The following USP8 variants were observed in gnomAD, a reference collection of about 807,000 sequenced individuals.
USP8 encodes the protein ubiquitin carboxyl-terminal hydrolase 8.
A neutral mutation model predicts 130.0 loss-of-function variants in USP8; 27 were observed. The observed-to-expected ratio is 0.21, with a 90% CI of 0.15 to 0.29. USP8 has a LOEUF of 0.29. Ranked by LOEUF, USP8 falls within the 10% of genes least tolerant of loss-of-function variation. The pLI is 1.00. For missense variants in USP8, 1,029 were observed against 1,312.2 expected (o/e 0.78, Z 3.33); for synonymous variants, 392 against 444.1 (o/e 0.88, Z 1.48).
At chr15:50,445,027 G>A (rs1407952548) in intron 3 of USP8, among the ~76,000 whole-genome samples, 1 of 152,054 alleles carries the variant, frequency 6.6e-6, no homozygotes, top group Admixed American at 6.6e-5. Flanking sequence ...CAAAGTGCTG[G>A]GATTACAGGT....
intron 4 of USP8, 128 bp downstream of exon 4, chr15:50,449,613 T>G: frequency 3.6e-6 from 2 of 550,594 alleles, no homozygotes; most frequent in Non-Finnish European, 5.5e-6. Flanking sequence ...AGTCTCGCGC[T>G]GTCTGTCGCC....
At chr15:50,470,761 G>A (rs1446909748) in intron 7 of USP8, among the ~76,000 whole-genome samples, 2 of 151,788 alleles carry the variant, frequency 1.3e-5, no homozygotes, top group African/African-American at 4.8e-5. Context: ...CACCATGCCC[G>A]GCTAATTTTT....
At chr15:50,468,055 C>T (rs1275179976) in intron 7 of USP8, among the ~76,000 whole-genome samples, 1 of 151,720 alleles carries the variant, frequency 6.6e-6, no homozygotes, top group African/African-American at 2.4e-5. Flanking sequence ...TCTGCCTCAG[C>T]CCCCTGAGTA....
chr15:50,470,845 G>A (rs1199244382), intron 7 of USP8, among the ~76,000 whole-genome samples: 2 of 152,052 alleles, frequency 1.3e-5, no homozygotes, highest in Non-Finnish European at 2.9e-5. Flanking sequence ...TGATCCACCC[G>A]CCTCAGCCTC....
At chr15:50,424,555 A>G (rs2049633302) in intron 1 of USP8, 41 bp downstream of exon 1, 2 of 398,448 alleles carry the variant, frequency 5.0e-6, no homozygotes, top group Non-Finnish European at 8.8e-6. Flanking sequence ...TTCTCTGGGA[A>G]GTCGTCCGCT....
rs1283022658 is a variant in USP8 at position 50,459,093 on chromosome 15, A to G, written c.429A>G (p.Arg143=). 2.5e-6 allele frequency: 4 copies of G among 1,614,038 alleles called. No homozygotes were observed. Among genetic ancestry groups the G allele is most frequent in the Non-Finnish European group, 3.4e-6 (4 of 1,180,042 alleles). The change falls in exon 5 of 20, where the codon AGA becomes AGG. Residue 143 remains arginine, a synonymous_variant. Transcript: ENST00000307179. The stretch of plus-strand genomic sequence containing the variant: ...AACAAAAAAGGCAGGAAACAGGAAG[A>G]GAGGATGGTGGCACATTGGCTAAAG... ...RLQQKRQETG[R]EDGGTLAKGS...
intron 1 of USP8, among the ~76,000 whole-genome samples, chr15:50,433,985 C>G (rs747832600): frequency 4.6e-5 from 7 of 151,888 alleles, no homozygotes; most frequent in East Asian, 3.9e-4. Context: ...GGCTGAAGTT[C>G]TTTGTCAGGT....
At position 50,499,255 on chromosome 15, in the gene USP8, A is replaced by G. The variant is rs2052527951; in HGVS notation, c.*167A>G. The G allele has an allele frequency of 1.9e-6, 1 of 527,702 alleles. No homozygotes were observed. The highest frequency in any genetic ancestry group is 3.0e-6 in the Non-Finnish European group (1 of 337,430). 32.7% of individuals were successfully genotyped at this position (527,702 alleles called of 1,614,324 possible). A position where few individuals can be genotyped will look rare whatever the true frequency, so the allele number is the denominator to read the frequency against. On this transcript the variant is annotated 3_prime_UTR_variant, in exon 20 of 20. Coordinates refer to ENST00000307179, the MANE Select transcript of USP8 (RefSeq NM_005154.5). ...ATTCCGGTCAGTGCTGACAAATAAC[A>G]TTTAACAAGTATTGCAGTAATCATC...
chr15:50,439,536 C>A (rs908648905), intron 2 of USP8, among the ~76,000 whole-genome samples: 1 of 152,114 alleles, frequency 6.6e-6, no homozygotes, highest in Non-Finnish European at 1.5e-5. Flanking sequence ...CGCTTGTAAT[C>A]CCAGCACTTT....
At chr15:50,457,564 GAAAA>G (rs527284552) in intron 4 of USP8, among the ~76,000 whole-genome samples, 1 of 89,410 alleles carries the variant, frequency 1.1e-5, no homozygotes, top group Admixed American at 1.1e-4. Flanking sequence ...TCTCAAAAAA[GAAAA>G]AAAAAAAAAA....
intron 4 of USP8, among the ~76,000 whole-genome samples, chr15:50,450,575 C>T (rs746278439): frequency 2.8e-5 from 4 of 144,620 alleles, no homozygotes; most frequent in African/African-American, 5.1e-5. Context: ...AGGTTCAAGT[C>T]ATTCTCCTGC....
chr15:50,442,399 T>G (rs1168901812), intron 3 of USP8, among the ~76,000 whole-genome samples: 1 of 152,116 alleles, frequency 6.6e-6, no homozygotes, highest in Non-Finnish European at 1.5e-5. Flanking sequence ...AATTGATGAC[T>G]AGGATAAGTG....
intron 12 of USP8, among the ~76,000 whole-genome samples, chr15:50,485,968 G>A (rs1174733294): frequency 1.3e-5 from 2 of 152,062 alleles, no homozygotes; most frequent in Non-Finnish European, 2.9e-5. Context: ...GCCTGCACAT[G>A]TTCAGTACAC....
At position 50,503,818 on chromosome 15, in the gene USP8, T is replaced by C. The variant is rs938319542; in HGVS notation, c.*4730T>C. ...ATCCACATATGAAACCCCAATGAAG[T>C]TGAGATCACAATTCAAAATAATAGA... is the stretch of plus-strand genomic sequence containing the variant. On this transcript the variant is annotated 3_prime_UTR_variant, in exon 20 of 20. Coordinates refer to ENST00000307179, the MANE Select transcript of USP8 (RefSeq NM_005154.5). 5.3e-5 allele frequency: 8 copies of C among 152,182 alleles called. No homozygotes were observed. Among genetic ancestry groups the C allele is most frequent in the Admixed American group, 3.3e-4 (5 of 15,262 alleles). 9.4% of individuals were successfully genotyped at this position (152,182 alleles called of 1,614,324 possible).
rs556378963 is a variant in USP8 at position 50,450,137 on chromosome 15, C to T, written c.335+652C>T. Among the ~76,000 whole-genome samples the T allele has an allele frequency of 2.7e-3, 403 of 151,962 alleles. 2 individuals carry two copies. Among genetic ancestry groups the T allele is most frequent in the African/African-American group, 8.2e-3 (342 of 41,464 alleles). On this transcript the variant is annotated intron_variant, in intron 4 of 19. Transcript: ENST00000307179. ...CTCGAGCTCCTGACCTCAAGTGATC[C>T]GCCCGCCTCAGCCTCCCAAAGTGCT...
Position 50,507,371 on chromosome 15 carries a change from T to A in USP8, c.*8283T>A, listed in dbSNP as rs550814930. On this transcript the variant is annotated 3_prime_UTR_variant, in exon 20 of 20. Transcript: ENST00000307179. Reference sequence around the variant, plus strand: ...AAAGGTGTATTTCCCTTGAGCATCATGTTGGTGCTTAAAATGTTTCAGATT... The same window carrying A: ...AAAGGTGTATTTCCCTTGAGCATCAAGTTGGTGCTTAAAATGTTTCAGATT... 6.6e-6 allele frequency: 1 copy of A among 152,242 alleles called. No homozygotes were observed. The highest frequency in any genetic ancestry group is 1.5e-5 in the Non-Finnish European group (1 of 68,056). The allele number at this position is 152,242 out of a possible 1,614,324, so 9.4% of individuals were successfully genotyped here. A position where few individuals can be genotyped will look rare whatever the true frequency, so the allele number is the denominator to read the frequency against.
At chr15:50,464,131 C>T (rs944536290) in intron 6 of USP8, among the ~76,000 whole-genome samples, 7 of 152,066 alleles carry the variant, frequency 4.6e-5, no homozygotes, top group African/African-American at 1.2e-4. Context: ...TGGTCTCTGA[C>T]ACAACTATTG....
At chr15:50,496,481 A>G (rs1016697965) in intron 17 of USP8, among the ~76,000 whole-genome samples, 5 of 12,840 alleles carry the variant, frequency 3.9e-4, no homozygotes, top group African/African-American at 3.7e-3. Context: ...ACTCCGTCTT[A>G]AAAAAAAAAA....
chr15:50,439,810 A>G (rs1375158967), intron 2 of USP8, among the ~76,000 whole-genome samples: 1 of 103,758 alleles, frequency 9.6e-6, no homozygotes, highest in Admixed American at 1.3e-4. Context: ...AATAATAATA[A>G]TAATAATAAT....
Sources: gnomAD v4.1 joint callset for allele counts (sites outside exome capture counted in the v4.1 genomes callset) on GRCh38, gnomAD v4.1.1 for gene constraint, MANE v1.5 for transcripts, NCBI Gene and HGNC (gene_info 2026-07-23, HGNC 2026-07-21) for gene names.